Variants in PDE8A observed in about 807,000 individuals in gnomAD.
PDE8A encodes high affinity cAMP-specific and IBMX-insensitive 3',5'-cyclic phosphodiesterase 8A.
A neutral mutation model predicts 105.0 loss-of-function variants in PDE8A; 59 were observed. The ratio of observed to expected loss-of-function variants is 0.56; its 90% CI spans 0.46 to 0.70. The LOEUF is 0.70. PDE8A is among the 30% of genes least tolerant of loss of function. PDE8A has a pLI of 0.00. For missense variants in PDE8A, 1,014 were observed against 1,045.9 expected (o/e 0.97, Z 0.42); for synonymous variants, 355 against 371.9 (o/e 0.95, Z 0.52).
chr15:85,025,900 CAT>C (rs890960236), intron 1 of PDE8A, among the ~76,000 whole-genome samples: 1 of 152,116 alleles, frequency 6.6e-6, no homozygotes, highest in African/African-American at 2.4e-5. Context: ...TGATGCTGAC[CAT>C]ATATATGGGG....
chr15:85,116,502 G>C (rs2082099558), intron 16 of PDE8A, among the ~76,000 whole-genome samples: 1 of 152,228 alleles, frequency 6.6e-6, no homozygotes. Context: ...CCCAGCTTTT[G>C]GTTGTTCTGT....
At chr15:85,058,633 T>C (rs545686029) in intron 1 of PDE8A, among the ~76,000 whole-genome samples, 1 of 152,314 alleles carries the variant, frequency 6.6e-6, no homozygotes, top group South Asian at 2.1e-4. Context: ...GTCTTCGTAC[T>C]TTTTGCGCTT....
At chr15:85,078,548 CAAAAAAAAA>C (rs72174562) in intron 5 of PDE8A, among the ~76,000 whole-genome samples, 3 of 94,362 alleles carry the variant, frequency 3.2e-5, no homozygotes, top group Admixed American at 2.9e-4. Flanking sequence ...TACTCCATCT[CAAAAAAAAA>C]AAAAAAAAAA....
chr15:85,133,372 C>T (rs1324782834), intron 20 of PDE8A, among the ~76,000 whole-genome samples: 1 of 152,168 alleles, frequency 6.6e-6, no homozygotes, highest in Non-Finnish European at 1.5e-5. Flanking sequence ...AGGCAGCCCA[C>T]AGACTTGTCA....
intron 1 of PDE8A, among the ~76,000 whole-genome samples, chr15:85,013,743 C>G (rs1002306479): frequency 1.3e-5 from 2 of 152,214 alleles, no homozygotes; most frequent in African/African-American, 4.8e-5. Flanking sequence ...CTCAATAGTT[C>G]TGGCTCATAG....
At chr15:85,105,768 G>A (rs1386453222) in intron 11 of PDE8A, among the ~76,000 whole-genome samples, 5 of 152,172 alleles carry the variant, frequency 3.3e-5, no homozygotes, top group East Asian at 3.9e-4. Context: ...CTGGCAGGCC[G>A]GATACCTCAG....
Position 84,982,139 on chromosome 15 carries a change from C to A in PDE8A, c.-24C>A. The stretch of plus-strand genomic sequence containing the variant: ...TGACCGGATCGCGGCTACCCGCCAG[C>A]GTGTCCGCGGCGCCGCCGCCAGCAT... On this transcript the variant is annotated 5_prime_UTR_variant, in exon 1 of 22. Coordinates refer to ENST00000394553, the MANE Select transcript of PDE8A (RefSeq NM_002605.3). 2 of 1,300,426 alleles carry A rather than the reference C, an allele frequency of 1.5e-6. No homozygotes were observed. Among genetic ancestry groups the A allele is most frequent in the South Asian group, 2.2e-5 (1 of 44,644 alleles). The allele number at this position is 1,300,426 out of a possible 1,614,324, so 80.6% of individuals were successfully genotyped here.
chr15:85,030,577 C>G (rs1489606580), intron 1 of PDE8A, among the ~76,000 whole-genome samples: 1 of 152,130 alleles, frequency 6.6e-6, no homozygotes. Context: ...TTGATGAGAC[C>G]CAACTAGGCC....
Position 85,137,896 on chromosome 15 carries a change from C to T in PDE8A, c.2483C>T (p.Pro828Leu). The change falls in exon 22 of 22, where the codon CCT becomes CTT. Residue 828 changes from proline to leucine, a missense_variant. By Grantham distance (98) the Pro-to-Leu change is moderately conservative (BLOSUM62 -3). Transcript: ENST00000394553. ...EMKLRNLRPP[P>L]E is the part of the protein sequence containing the mutation. Reference sequence around the variant, plus strand: ...AAGCTGCGGAACCTCCGACCACCTCCTGAATAGTGGGAGACACCACCCAGA... The same window carrying T: ...AAGCTGCGGAACCTCCGACCACCTCTTGAATAGTGGGAGACACCACCCAGA... The T allele has an allele frequency of 6.3e-7, 1 of 1,594,992 alleles. No homozygotes were observed. The highest frequency in any genetic ancestry group is 8.6e-7 in the Non-Finnish European group (1 of 1,162,610).
intron 8 of PDE8A, among the ~76,000 whole-genome samples, chr15:85,091,834 T>C (rs2081647895): frequency 6.6e-6 from 1 of 151,166 alleles, no homozygotes; most frequent in South Asian, 2.1e-4. Context: ...CTGTGACAGA[T>C]TTTAAAATAT....
At chr15:85,057,500 G>T (rs1414230216) in intron 1 of PDE8A, among the ~76,000 whole-genome samples, 1 of 152,144 alleles carries the variant, frequency 6.6e-6, no homozygotes, top group Non-Finnish European at 1.5e-5. Context: ...GTGAGGCGAT[G>T]CCCCTCCCTG....
intron 11 of PDE8A, among the ~76,000 whole-genome samples, chr15:85,103,597 C>A (rs1021078503): frequency 1.3e-5 from 2 of 152,184 alleles, no homozygotes; most frequent in African/African-American, 4.8e-5. Context: ...GGAGTTTTTT[C>A]TGGAAGGAAA....
rs572136812 is a variant in PDE8A, at chr15:85,020,994, C to T, written c.186+38646C>T. On this transcript the variant is annotated intron_variant, in intron 1 of 21. Transcript: ENST00000394553. ...CTATGGTCTCAATGTTCGTATTCTC[C>T]CAAAATTCTTGTTGAAACCTAATCA... Among the ~76,000 whole-genome samples the T allele has an allele frequency of 5.9e-5, 9 of 152,224 alleles. No individual in the cohort carries two copies. The South Asian group carries it at 1.7e-3, about 28-fold the overall frequency.
chr15:85,112,233 G>A (rs948900044), intron 12 of PDE8A, among the ~76,000 whole-genome samples: 4 of 151,946 alleles, frequency 2.6e-5, no homozygotes, highest in African/African-American at 9.7e-5. Flanking sequence ...TGACCTATCT[G>A]TACATTGTGA....
At chr15:85,045,343 C>A (rs976613326) in intron 1 of PDE8A, among the ~76,000 whole-genome samples, 1 of 152,138 alleles carries the variant, frequency 6.6e-6, no homozygotes, top group Admixed American at 6.5e-5. Context: ...TGATCTTTTT[C>A]CAGCTAGATA....
intron 1 of PDE8A, among the ~76,000 whole-genome samples, chr15:85,028,965 A>G (rs2080565611): frequency 6.6e-6 from 1 of 152,196 alleles, no homozygotes; most frequent in South Asian, 2.1e-4. Context: ...AAAAGGATTG[A>G]TGGCAGCACA....
chr15:85,094,126 G>A (rs760975887), intron 8 of PDE8A, among the ~76,000 whole-genome samples: 2 of 152,102 alleles, frequency 1.3e-5, no homozygotes, highest in African/African-American at 2.4e-5. Context: ...GCTTCCCAAA[G>A]TACTGGGATT....
At chr15:85,025,939 C>G (rs2141364065) in intron 1 of PDE8A, among the ~76,000 whole-genome samples, 1 of 152,242 alleles carries the variant, frequency 6.6e-6, no homozygotes, top group South Asian at 2.1e-4. Context: ...CTGCTTTACC[C>G]CACTACACCC....
At chr15:85,016,964 TAATA>T (rs1200330946) in intron 1 of PDE8A, among the ~76,000 whole-genome samples, 3 of 151,674 alleles carry the variant, frequency 2.0e-5, no homozygotes, top group Non-Finnish European at 4.4e-5. Flanking sequence ...TTTTTTTTTT[TAATA>T]AATGAAGCCT....
Sources: allele counts gnomAD v4.1 joint callset (sites outside exome capture counted in the v4.1 genomes callset), GRCh38; gene constraint gnomAD v4.1.1; transcripts MANE v1.5; gene names NCBI Gene and HGNC (gene_info 2026-07-23, HGNC 2026-07-21).